ST6GALNAC5: variants seen among roughly 807,000 people sequenced by gnomAD.
The protein encoded by ST6GALNAC5 is ST6 N-acetylgalactosaminide alpha-2,6-sialyltransferase 5, also known as alpha-N-acetylgalactosaminide alpha-2,6-sialyltransferase 5.
Under a neutral mutation model 33.6 loss-of-function variants are expected in ST6GALNAC5, and 27 were observed. The ratio of observed to expected loss-of-function variants is 0.80; its 90% CI spans 0.59 to 1.11. The LOEUF is 1.11. Ranked by LOEUF, ST6GALNAC5 falls within the 50% of genes least tolerant of loss-of-function variation. The pLI, the probability that ST6GALNAC5 is intolerant of heterozygous loss-of-function variation, is 0.00. For missense variants in ST6GALNAC5, 428 were observed against 454.0 expected, an observed-to-expected ratio of 0.94 and a Z score of 0.52; for synonymous variants, 194 against 171.2, an observed-to-expected ratio of 1.13 and a Z score of -1.04.
intron 2 of ST6GALNAC5, among the ~76,000 whole-genome samples, chr1:76,920,152 C>T (rs565083109): frequency 2.0e-5 from 3 of 152,126 alleles, no homozygotes; most frequent in Non-Finnish European, 2.9e-5. Flanking sequence ...CATTCATGTC[C>T]AGGGAAGGAA....
At chr1:76,981,920 C>G (rs1829753) in intron 2 of ST6GALNAC5, among the ~76,000 whole-genome samples, 29,930 of 152,162 alleles carry the variant, frequency 0.2, 3,135 homozygotes, top group East Asian at 0.32. Flanking sequence ...GCTGAGAGAC[C>G]TGACCGTTAG....
intron 2 of ST6GALNAC5, among the ~76,000 whole-genome samples, chr1:76,872,963 A>T (rs919898112): frequency 3.9e-5 from 6 of 152,234 alleles, no homozygotes; most frequent in Admixed American, 6.5e-5. Flanking sequence ...TATAACATTT[A>T]TTAAAATACT....
intron 2 of ST6GALNAC5, among the ~76,000 whole-genome samples, chr1:76,897,957 T>C (rs1366490610): frequency 1.3e-5 from 2 of 152,296 alleles, no homozygotes; most frequent in East Asian, 3.9e-4. Context: ...GGACTTACTT[T>C]CCACTGTGAG....
At position 77,063,495 on chromosome 1, in the gene ST6GALNAC5, T is replaced by C; in HGVS notation, c.*289T>C. On this transcript the variant is annotated 3_prime_UTR_variant, in exon 5 of 5. Coordinates refer to ENST00000477717, the MANE Select transcript of ST6GALNAC5 (RefSeq NM_030965.3). ...ATGACTAAAAACAGTTTGGATCTCT[T>C]AGTATTGCCTTTGAAACTGCAACAT... is the stretch of plus-strand genomic sequence containing the variant. 2.5e-6 allele frequency: 1 copy of C among 394,846 alleles called. No individual in the cohort carries two copies. Among genetic ancestry groups the C allele is most frequent in the Non-Finnish European group, 4.7e-6 (1 of 214,068 alleles). The allele number at this position is 394,846 out of a possible 1,614,324, so 24.5% of individuals were successfully genotyped here.
intron 2 of ST6GALNAC5, among the ~76,000 whole-genome samples, chr1:76,949,429 A>G (rs1647656827): frequency 1.3e-5 from 2 of 152,196 alleles, no homozygotes; most frequent in South Asian, 4.1e-4. Context: ...TGGCGTGAGG[A>G]GTGGAAGCTG....
chr1:77,005,000 G>T (rs369494554), intron 2 of ST6GALNAC5, among the ~76,000 whole-genome samples: 18 of 150,284 alleles, frequency 1.2e-4, no homozygotes, highest in Non-Finnish European at 1.6e-4. Context: ...CAGGCCTCCT[G>T]GAGCTGTGGT....
intron 2 of ST6GALNAC5, among the ~76,000 whole-genome samples, chr1:77,008,160 G>C (rs1650498462): frequency 6.6e-6 from 1 of 152,182 alleles, no homozygotes; most frequent in Admixed American, 6.5e-5. Flanking sequence ...TCCAGCTGGT[G>C]CTCAGAGGGG....
Position 76,868,933 on chromosome 1 carries a change from GTT to G in ST6GALNAC5, c.261+194_261+195del, listed in dbSNP as rs2100906645. The G allele has an allele frequency of 3.0e-6, 3 of 999,326 alleles. No homozygotes were observed. In the South Asian group the frequency reaches 6.0e-5, roughly 20 times the overall value. 61.9% of individuals were successfully genotyped at this position (999,326 alleles called of 1,614,324 possible). On this transcript the variant is annotated intron_variant, in intron 2 of 4. Transcript: ENST00000477717. The surrounding 1 kb of genome is among the most constrained non-coding windows in gnomAD (Gnocchi z 4.3). ...ATTCTTATTTGGAGAAAGACACAAA[GTT>G]TTGTAGAAAATAGGGGTGAGGTGCG...
In ST6GALNAC5 at chr1:76,994,257, C is replaced by T. The variant is rs553371944; in HGVS notation, c.262-49947C>T. 3.3e-5 allele frequency among the ~76,000 whole-genome samples: 5 copies of T among 152,272 alleles called. No homozygotes were observed. In the South Asian group the frequency reaches 8.3e-4, roughly 25 times the overall value. ...TAGAAGAAAATCACTTACAAAATGGCTTGATAGTTCATGTTAATGAGTTTT... is the reference window on the plus strand; with the variant it reads ...TAGAAGAAAATCACTTACAAAATGGTTTGATAGTTCATGTTAATGAGTTTT... On this transcript the variant is annotated intron_variant, in intron 2 of 4. Transcript: ENST00000477717.
chr1:77,052,938 A>C (rs926071280), intron 4 of ST6GALNAC5, among the ~76,000 whole-genome samples: 5 of 97,400 alleles, frequency 5.1e-5, no homozygotes, highest in Non-Finnish European at 7.6e-5. Flanking sequence ...AAAAAAAAAA[A>C]ACAATTTTAA....
chr1:76,907,907 G>A (rs1317556165), intron 2 of ST6GALNAC5, among the ~76,000 whole-genome samples: 2 of 152,052 alleles, frequency 1.3e-5, no homozygotes, highest in Non-Finnish European at 2.9e-5. Context: ...AACCAGGAAT[G>A]CTAAAAATAT....
intron 2 of ST6GALNAC5, among the ~76,000 whole-genome samples, chr1:76,948,358 C>G (rs893511155): frequency 1.3e-5 from 2 of 152,186 alleles, no homozygotes; most frequent in Non-Finnish European, 2.9e-5. Context: ...TCTGGCTTAA[C>G]AGCCAGCTCT....
chr1:77,007,370 A>G (rs1650464296), intron 2 of ST6GALNAC5, among the ~76,000 whole-genome samples: 1 of 152,256 alleles, frequency 6.6e-6, no homozygotes, highest in Admixed American at 6.5e-5. Context: ...TCATTAATTT[A>G]ATAAATACTT....
intron 2 of ST6GALNAC5, among the ~76,000 whole-genome samples, chr1:76,967,364 T>C (rs1358660697): frequency 1.3e-5 from 2 of 152,288 alleles, no homozygotes; most frequent in Non-Finnish European, 2.9e-5. Context: ...ATTTCTTCTA[T>C]ATTTTCTAGT....
intron 2 of ST6GALNAC5, among the ~76,000 whole-genome samples, chr1:76,951,802 G>GT (rs1426826718): frequency 6.6e-6 from 1 of 152,044 alleles, no homozygotes; most frequent in Admixed American, 6.6e-5. Flanking sequence ...CTTTAAGAAT[G>GT]TTTTTATTGA....
intron 2 of ST6GALNAC5, among the ~76,000 whole-genome samples, chr1:76,924,589 T>C (rs760881327): frequency 2.0e-5 from 3 of 152,158 alleles, no homozygotes; most frequent in Non-Finnish European, 4.4e-5. Flanking sequence ...CGCTGAAGAA[T>C]TAGTTCAAAT....
intron 2 of ST6GALNAC5, among the ~76,000 whole-genome samples, chr1:76,986,722 T>C (rs950426993): frequency 2.0e-5 from 3 of 152,216 alleles, no homozygotes; most frequent in Admixed American, 6.5e-5. Context: ...CGTATGTTTA[T>C]TGTGGCACTA....
chr1:77,014,830 G>C (rs1245970691), intron 2 of ST6GALNAC5, among the ~76,000 whole-genome samples: 1 of 152,146 alleles, frequency 6.6e-6, no homozygotes, highest in East Asian at 1.9e-4. Flanking sequence ...TGAAAAAAAT[G>C]ATCACTTTTT....
intron 2 of ST6GALNAC5, among the ~76,000 whole-genome samples, chr1:76,922,937 A>T (rs1647048853): frequency 1.4e-5 from 2 of 145,474 alleles, no homozygotes; most frequent in African/African-American, 5.1e-5. Flanking sequence ...CCTTGCCTCA[A>T]AAAAAAAAAA....
Sources: allele counts gnomAD v4.1 joint callset (sites outside exome capture counted in the v4.1 genomes callset), GRCh38; gene constraint gnomAD v4.1.1; non-coding constraint Gnocchi (gnomAD v3.1); transcripts MANE v1.5; gene names NCBI Gene and HGNC (gene_info 2026-07-23, HGNC 2026-07-21).